Variants in ADD1 observed in about 807,000 individuals in gnomAD.
ADD1 encodes adducin 1, also known as alpha-adducin.
ADD1 carries 24 observed loss-of-function variants against 80.5 expected under a neutral mutation model. That is an observed-to-expected ratio of 0.30 (90% confidence interval 0.22 to 0.42). The LOEUF (loss-of-function observed/expected upper bound fraction) is 0.42, where lower values mean the gene tolerates loss of function less well. Ranked by LOEUF, ADD1 falls within the 10% of genes least tolerant of loss-of-function variation. The pLI is 1.00. For synonymous variants in ADD1, 373 were observed against 393.8 expected (o/e 0.95, Z 0.63); for missense variants, 948 against 1,019.0 (o/e 0.93, Z 0.95).
intron 1 of ADD1, among the ~76,000 whole-genome samples, chr4:2,870,587 A>G (rs1273595080): frequency 2.6e-5 from 4 of 152,236 alleles, no homozygotes; most frequent in Non-Finnish European, 1.5e-5. Flanking sequence ...AATGCAACAG[A>G]GTACTTTACA....
chr4:2,867,597 AAAAC>A (rs1419844475), intron 1 of ADD1, among the ~76,000 whole-genome samples: 1 of 152,240 alleles, frequency 6.6e-6, no homozygotes, highest in Non-Finnish European at 1.5e-5. Context: ...AGTTAAAAGA[AAAAC>A]AACACCAGCT....
intron 14 of ADD1, among the ~76,000 whole-genome samples, chr4:2,923,512 T>C (rs1577741581): frequency 6.6e-6 from 1 of 152,208 alleles, no homozygotes. Flanking sequence ...GTACCTCAGT[T>C]GGAAATGCAG....
intron 14 of ADD1, among the ~76,000 whole-genome samples, chr4:2,923,310 C>T (rs532754766): frequency 4.6e-5 from 7 of 152,316 alleles, no homozygotes; most frequent in South Asian, 2.1e-4. Flanking sequence ...TTGCGAAGAC[C>T]GTGGGAAAAG....
chr4:2,864,995 T>C (rs1364486780), intron 1 of ADD1, among the ~76,000 whole-genome samples: 1 of 152,194 alleles, frequency 6.6e-6, no homozygotes, highest in Non-Finnish European at 1.5e-5. Context: ...ATAAAGGATC[T>C]CCTGGTCATC....
At chr4:2,874,468 G>A (rs2108885468) in intron 1 of ADD1, among the ~76,000 whole-genome samples, 2 of 152,054 alleles carry the variant, frequency 1.3e-5, no homozygotes, top group South Asian at 4.2e-4. Flanking sequence ...TTACCCGGGT[G>A]TGGTGGCACG....
In ADD1 at chr4:2,898,292, G is replaced by A. The variant is rs1387054385; in HGVS notation, c.850G>A (p.Val284Ile). The A allele has an allele frequency of 1.2e-6, 2 of 1,614,082 alleles. No homozygotes were observed. Among genetic ancestry groups the A allele is most frequent in the East Asian group, 2.2e-5 (1 of 44,902 alleles). ...HGILVDEEEK[V>I]LIQKNLGPKS... ...CATTCTGGTTGATGAAGAGGAAAAA[G>A]TTTTGATTCAGAAAAATCTGGGGCC... The change falls in exon 7 of 16, where the codon GTT becomes ATT. Residue 284 changes from valine to isoleucine, a missense_variant. Val to Ile is a conservative substitution (Grantham distance 29). Coordinates refer to ENST00000683351, the MANE Select transcript of ADD1 (RefSeq NM_001354761.2).
chr4:2,921,349 C>T (rs533871311), intron 14 of ADD1, among the ~76,000 whole-genome samples: 2 of 152,240 alleles, frequency 1.3e-5, no homozygotes. Flanking sequence ...AGGATGGTCT[C>T]GATCTCTTGT....
At position 2,898,422 on chromosome 4, in the gene ADD1, C is replaced by T. The variant is rs761817740; in HGVS notation, c.886-11C>T. 1.9e-6 allele frequency: 3 copies of T among 1,614,062 alleles called. No individual in the cohort carries two copies. The East Asian group carries it at 6.7e-5, about 36-fold the overall frequency. ...TGCCCAGCTCCACAGAGCATTCATGCTTCCCCTCAGGTTCTTATTCTCCGG... is the reference window on the plus strand; with the variant it reads ...TGCCCAGCTCCACAGAGCATTCATGTTTCCCCTCAGGTTCTTATTCTCCGG... On this transcript the variant is annotated splice_polypyrimidine_tract_variant and intron_variant, in intron 7 of 15. Transcript: ENST00000683351.
chr4:2,909,243 C>A, intron 12 of ADD1, 96 bp from the exon 13 acceptor site: 1 of 1,037,808 alleles, frequency 9.6e-7, no homozygotes, highest in Non-Finnish European at 1.5e-6. Context: ...ACAGCTGTCC[C>A]TGCTGCATGC....
intron 14 of ADD1, among the ~76,000 whole-genome samples, chr4:2,916,883 G>C (rs1490765340): frequency 6.6e-6 from 1 of 152,188 alleles, no homozygotes; most frequent in East Asian, 1.9e-4. Flanking sequence ...TTTTATGATT[G>C]CATAGTATTC....
intron 14 of ADD1, among the ~76,000 whole-genome samples, chr4:2,917,186 T>G (rs1359437745): frequency 2.0e-5 from 3 of 152,242 alleles, no homozygotes; most frequent in Admixed American, 6.5e-5. Flanking sequence ...CCACATCCTC[T>G]CCAGCTTCTG....
rs754305003 is a variant in ADD1, at chr4:2,881,957, C to T, written c.255C>T (p.Pro85=). 2 of 1,612,966 alleles carry T rather than the reference C, an allele frequency of 1.2e-6. No individual in the cohort carries two copies. The highest frequency in any genetic ancestry group is 1.7e-6 in the Non-Finnish European group (2 of 1,179,684). ...AGCAATTTAAGAAGGGGAAGAACCC[C>T]ACAGGCCTATTGGCATTACAGCAGA... ...IQEQFKKGKN[P]TGLLALQQIA... The change falls in exon 3 of 16, where the codon CCC becomes CCT. Residue 85 remains proline, a synonymous_variant. Coordinates refer to ENST00000683351, the MANE Select transcript of ADD1 (RefSeq NM_001354761.2).
At chr4:2,870,320 T>C (rs1730230297) in intron 1 of ADD1, among the ~76,000 whole-genome samples, 1 of 152,272 alleles carries the variant, frequency 6.6e-6, no homozygotes, top group Non-Finnish European at 1.5e-5. Context: ...TAACCTTTGT[T>C]ATTTCCGAGT....
intron 2 of ADD1, among the ~76,000 whole-genome samples, chr4:2,881,072 C>CTTTTTTTTTTTTTTTTT (rs752868581): frequency 4.5e-5 from 4 of 89,362 alleles, no homozygotes; most frequent in Non-Finnish European, 8.0e-5. Flanking sequence ...GATGTATTTA[C>CTTTTTTTTTTTTTTTTT]TTTTTTTTTT....
chr4:2,862,197 A>G (rs1229506725), intron 1 of ADD1, among the ~76,000 whole-genome samples: 1 of 152,200 alleles, frequency 6.6e-6, no homozygotes, highest in Non-Finnish European at 1.5e-5. Flanking sequence ...AAACTGGAAG[A>G]GGACAGTGAC....
chr4:2,921,151 G>C (rs1216318154), intron 14 of ADD1, among the ~76,000 whole-genome samples: 2 of 151,618 alleles, frequency 1.3e-5, no homozygotes, highest in Non-Finnish European at 2.9e-5. Context: ...TTTTTGAGAC[G>C]GAGTCTTGCT....
chr4:2,903,673 C>A (rs549538316), intron 9 of ADD1, among the ~76,000 whole-genome samples: 1 of 152,158 alleles, frequency 6.6e-6, no homozygotes, highest in Non-Finnish European at 1.5e-5. Context: ...TTGTGAATTC[C>A]GCTACTTAGA....
At chr4:2,911,505 C>T (rs115746640) in intron 13 of ADD1, among the ~76,000 whole-genome samples, 2,461 of 144,494 alleles carry the variant, frequency 0.017, 46 homozygotes, top group African/African-American at 0.042. Context: ...GGAGTGTGGT[C>T]GGGCTGTCTT....
intron 6 of ADD1, among the ~76,000 whole-genome samples, chr4:2,896,221 T>C (rs1735198692): frequency 6.6e-6 from 1 of 151,480 alleles, no homozygotes; most frequent in African/African-American, 2.4e-5. Flanking sequence ...CTTGGTTTTT[T>C]TTTTGGAGAT....
Sources: allele counts gnomAD v4.1 joint callset (sites outside exome capture counted in the v4.1 genomes callset), GRCh38; gene constraint gnomAD v4.1.1; transcripts MANE v1.5; gene names NCBI Gene and HGNC (gene_info 2026-07-23, HGNC 2026-07-21).